PATZ1: variants seen among roughly 807,000 people sequenced by gnomAD.
PATZ1 encodes POZ/BTB and AT hook containing zinc finger 1.
A neutral mutation model predicts 46.2 loss-of-function variants in PATZ1; 9 were observed. The observed-to-expected ratio is 0.19, with a 90% CI of 0.12 to 0.34. The LOEUF (loss-of-function observed/expected upper bound fraction) is 0.34. PATZ1 is among the 10% of genes least tolerant of loss of function. The pLI, the probability that PATZ1 is intolerant of heterozygous loss-of-function variation, is 1.00. For missense variants in PATZ1, 632 were observed against 923.0 expected, an observed-to-expected ratio of 0.68 and a Z score of 4.08; for synonymous variants, 426 against 378.6, an observed-to-expected ratio of 1.13 and a Z score of -1.45.
chr22:31,343,514 TG>T, intron 1 of PATZ1: 1 of 852,372 alleles, frequency 1.2e-6, no homozygotes, highest in Non-Finnish European at 1.4e-6. Flanking sequence ...CCGGTAAGAC[TG>T]GTTCCTGGTC....
chr22:31,330,365 C>T (rs2049424532), intron 3 of PATZ1, among the ~76,000 whole-genome samples: 1 of 152,124 alleles, frequency 6.6e-6, no homozygotes, highest in Non-Finnish European at 1.5e-5. Context: ...GAGATCGAGA[C>T]CATCCTGGCT....
At chr22:31,340,788 GC>G in intron 2 of PATZ1, 1 of 1,057,318 alleles carries the variant, frequency 9.5e-7, no homozygotes, top group South Asian at 4.6e-5. Flanking sequence ...TGCTTTTTCA[GC>G]CCCCAAAGCC....
chr22:31,332,846 A>G (rs1296260809), intron 3 of PATZ1, among the ~76,000 whole-genome samples: 1 of 152,194 alleles, frequency 6.6e-6, no homozygotes, highest in Non-Finnish European at 1.5e-5. Context: ...GTTCCTCTTC[A>G]CCATACCAGC....
rs938646095 is a variant in PATZ1, at chr22:31,343,430, C to T, written c.1272-470G>A. 8 of 987,382 alleles carry T rather than the reference C, an allele frequency of 8.1e-6. No homozygotes were observed. In the Admixed American group the frequency reaches 2.4e-4, roughly 30 times the overall value. The allele number at this position is 987,382 out of a possible 1,614,324, so 61.2% of individuals were successfully genotyped here. A position where few individuals can be genotyped will look rare whatever the true frequency, so the allele number is the denominator to read the frequency against. Reference sequence around the variant, plus strand: ...ATGGAATTCAGTCCCCAGAGGCCAGCAGTGGAGCCTTAAGTCCCCAGCTGG... The same window carrying T: ...ATGGAATTCAGTCCCCAGAGGCCAGTAGTGGAGCCTTAAGTCCCCAGCTGG... On this transcript the variant is annotated intron_variant, in intron 1 of 4. Coordinates refer to ENST00000266269, the MANE Select transcript of PATZ1 (RefSeq NM_014323.3).
At position 31,345,760 on chromosome 22, in the gene PATZ1, C is replaced by G. The variant is rs2049647541; in HGVS notation, c.-158G>C. Reference sequence around the variant, plus strand: ...GCAGGTGCGCCGAGTGTACACGCCCCCAGCCCGGATCAGACTGTCTAGACT... The same window carrying G: ...GCAGGTGCGCCGAGTGTACACGCCCGCAGCCCGGATCAGACTGTCTAGACT... On this transcript the variant is annotated 5_prime_UTR_variant, in exon 1 of 5. Transcript: ENST00000266269. The surrounding 1 kb of genome is among the most constrained non-coding windows in gnomAD (Gnocchi z 7.4). 7 of 717,978 alleles carry G rather than the reference C, an allele frequency of 9.7e-6. No homozygotes were observed. The highest frequency in any genetic ancestry group is 3.9e-5 in the South Asian group (2 of 51,718). 44.5% of individuals were successfully genotyped at this position (717,978 alleles called of 1,614,324 possible).
In PATZ1 at chr22:31,331,050, T is replaced by C. The variant is rs554828989; in HGVS notation, c.1508-2126A>G. On this transcript the variant is annotated intron_variant, in intron 3 of 4. Transcript: ENST00000266269. ...TAGACCAGGTGCTGGTGTCCTGCCC[T>C]GCCTGGTAGAGCAAGTTGTCCTGTG... is the stretch of plus-strand genomic sequence containing the variant. 7.2e-5 allele frequency among the ~76,000 whole-genome samples: 11 copies of C among 152,344 alleles called. No individual in the cohort carries two copies. In the South Asian group the frequency reaches 1.7e-3, roughly 23 times the overall value.
At chr22:31,331,189 A>G (rs914260545) in intron 3 of PATZ1, among the ~76,000 whole-genome samples, 5 of 152,166 alleles carry the variant, frequency 3.3e-5, no homozygotes, top group African/African-American at 1.2e-4. Flanking sequence ...AGACAAGGCT[A>G]ATGGGAAAGA....
Position 31,335,778 on chromosome 22 carries a change from C to A in PATZ1, c.1421G>T (p.Gly474Val). Residue 474 changes from glycine (G) to valine (V), a missense_variant, in exon 3 of 5, where the codon GGG becomes GTG. By Grantham distance (109) the Gly-to-Val change is moderately radical. Around this residue, in one of 7 missense-constraint regions of PATZ1, gnomAD observed 55 missense variants for 169.0 expected, o/e 0.33. Coordinates refer to ENST00000266269, the MANE Select transcript of PATZ1 (RefSeq NM_014323.3). The part of the protein sequence containing the change: ...HEDKVPCQVC[G>V]KYLRAAYMAD... ...CATGTATGCTGCCCGCAAGTACTTCCCACACACCTGGCAGGGCACCTTGTC... is the reference window on the plus strand; with the variant it reads ...CATGTATGCTGCCCGCAAGTACTTCACACACACCTGGCAGGGCACCTTGTC... 1 of 1,614,126 alleles carries A rather than the reference C, an allele frequency of 6.2e-7. No individual in the cohort carries two copies. The highest frequency in any genetic ancestry group is 8.5e-7 in the Non-Finnish European group (1 of 1,180,008).
chr22:31,329,046 C>G (rs868498800), intron 3 of PATZ1, 122 bp from the exon 4 acceptor site: 12 of 1,044,918 alleles, frequency 1.1e-5, no homozygotes, highest in Middle Eastern at 3.1e-4. Context: ...CTAGAAGGGG[C>G]CCCCTCCTGG....
At chr22:31,335,014 C>T (rs560863496) in intron 3 of PATZ1, among the ~76,000 whole-genome samples, 1 of 152,336 alleles carries the variant, frequency 6.6e-6, no homozygotes, top group Admixed American at 6.5e-5. Flanking sequence ...ACATCTAGCA[C>T]TTCCAACAGC....
intron 2 of PATZ1, among the ~76,000 whole-genome samples, chr22:31,342,292 A>G (rs991563021): frequency 3.3e-5 from 5 of 152,144 alleles, no homozygotes. Context: ...GCAAAGAGCT[A>G]AAAGAAGAAG....
At position 31,345,823 on chromosome 22, in the gene PATZ1, C is replaced by T; in HGVS notation, c.-221G>A. On this transcript the variant is annotated 5_prime_UTR_variant, in exon 1 of 5. Coordinates refer to ENST00000266269, the MANE Select transcript of PATZ1 (RefSeq NM_014323.3). This position sits in a 1 kb window ranked among gnomAD's most constrained non-coding sequence, Gnocchi z 7.4. ...ACCCCCCACATAGCCAACCCCCGCC[C>T]TCGCTGGACTGCGCGCCACTCTCTC... 2.2e-6 allele frequency: 1 copy of T among 451,428 alleles called. No individual in the cohort carries two copies. Among genetic ancestry groups the T allele is most frequent in the East Asian group, 3.5e-5 (1 of 28,864 alleles). The allele number at this position is 451,428 out of a possible 1,614,324, so 28.0% of individuals were successfully genotyped here.
In PATZ1 at chr22:31,344,646, G is replaced by A. The variant is rs753056630; in HGVS notation, c.957C>T (p.Leu319=). The A allele has an allele frequency of 3.1e-6, 5 of 1,614,046 alleles. No individual in the cohort carries two copies. The highest frequency in any genetic ancestry group is 4.2e-6 in the Non-Finnish European group (5 of 1,180,034). ...QHEAQHGVTS[L]QLGYIDLPPP... Reference sequence around the variant, plus strand: ...GAGGAAGGTCGATGTAGCCCAGCTGGAGGCTGGTGACACCGTGCTGGGCCT... The same window carrying A: ...GAGGAAGGTCGATGTAGCCCAGCTGAAGGCTGGTGACACCGTGCTGGGCCT... Residue 319 remains leucine, a synonymous_variant, in exon 1 of 5, where the codon CTC becomes CTT. Transcript: ENST00000266269.
Position 31,345,652 on chromosome 22 carries a change from C to T in PATZ1, c.-50G>A, listed in dbSNP as rs1201303092. On this transcript the variant is annotated 5_prime_UTR_variant, in exon 1 of 5. Transcript: ENST00000266269. This position sits in a 1 kb window ranked among gnomAD's most constrained non-coding sequence, Gnocchi z 7.4. ...CGGCCGCTGCACCTGCCCGCCCCCT[C>T]CCTTCCCCTCAGCAGCGAGAAGCGG... The T allele has an allele frequency of 6.6e-7, 1 of 1,509,728 alleles. No homozygotes were observed. The highest frequency in any genetic ancestry group is 1.9e-5 in the Admixed American group (1 of 51,842). 93.5% of individuals were successfully genotyped at this position (1,509,728 alleles called of 1,614,324 possible).
rs200432247 is a variant in PATZ1, at chr22:31,345,570, C to A, written c.33G>T (p.Pro11=). 156 of 1,597,720 alleles carry A rather than the reference C, an allele frequency of 9.8e-5. No homozygotes were observed. In the African/African-American group the frequency reaches 1.8e-3, roughly 18 times the overall value. Residue 11 remains proline (P), a synonymous_variant, in exon 1 of 5, where the codon CCG becomes CCT. Transcript: ENST00000266269. This position sits in a 1 kb window ranked among gnomAD's most constrained non-coding sequence, Gnocchi z 7.4. MERVNDASCG[P]SGCYTYQVSR... ...TCACCTGGTATGTGTAGCAGCCAGA[C>A]GGGCCGCACGAAGCGTCGTTCACCC...
In PATZ1 at chr22:31,344,452, G is replaced by C; in HGVS notation, c.1151C>G (p.Ser384Cys). The C allele has an allele frequency of 6.2e-7, 1 of 1,614,246 alleles. No homozygotes were observed. The highest frequency in any genetic ancestry group is 8.5e-7 in the Non-Finnish European group (1 of 1,180,044). Residue 384 changes from serine (S) to cysteine (C), a missense_variant, in exon 1 of 5, where the codon TCC (serine) becomes TGC (cysteine). Transcript: ENST00000266269. ...GAACCGCAACCCACACACAGGGCAG[G>C]AGTAGGGCTTCTCCCCAGAGTGGGA... is the stretch of plus-strand genomic sequence containing the variant. ...KLSHSGEKPY[S>C]CPVCGLRFKR...
In PATZ1 at chr22:31,328,011, T is replaced by C. The variant is rs2049389103; in HGVS notation, c.1646-702A>G. Among the ~76,000 whole-genome samples the C allele has an allele frequency of 6.6e-6, 1 of 152,162 alleles. No homozygotes were observed. The highest frequency in any genetic ancestry group is 2.1e-4 in the South Asian group (1 of 4,826). On this transcript the variant is annotated intron_variant, in intron 4 of 4. Transcript: ENST00000266269. The surrounding 1 kb of genome is among the most constrained non-coding windows in gnomAD (Gnocchi z 4.8). ...AGAGACAACCCTGGCTGCTCTGCCTTGCCCGGCCCACACTGGAGTCCTCCA... is the reference window on the plus strand; with the variant it reads ...AGAGACAACCCTGGCTGCTCTGCCTCGCCCGGCCCACACTGGAGTCCTCCA...
intron 3 of PATZ1, among the ~76,000 whole-genome samples, chr22:31,330,157 G>A (rs2049421359): frequency 6.6e-6 from 1 of 152,198 alleles, no homozygotes; most frequent in African/African-American, 2.4e-5. Context: ...TATTTTGAAT[G>A]CTGCTGGAAC....
In PATZ1 at chr22:31,345,728, T is replaced by A; in HGVS notation, c.-126A>T. The A allele has an allele frequency of 2.0e-6, 2 of 989,114 alleles. No homozygotes were observed. Among genetic ancestry groups the A allele is most frequent in the Non-Finnish European group, 2.9e-6 (2 of 695,066 alleles). The allele number at this position is 989,114 out of a possible 1,614,324, so 61.3% of individuals were successfully genotyped here. A position where few individuals can be genotyped will look rare whatever the true frequency, so the allele number is the denominator to read the frequency against. ...CCACACGTGCCGGCCCGAGGCTCTG[T>A]AGTCTCGCAGGTGCGCCGAGTGTAC... On this transcript the variant is annotated 5_prime_UTR_variant, in exon 1 of 5. Coordinates refer to ENST00000266269, the MANE Select transcript of PATZ1 (RefSeq NM_014323.3). The surrounding 1 kb of genome is among the most constrained non-coding windows in gnomAD (Gnocchi z 7.4).
Sources: gnomAD v4.1 joint callset for allele counts (sites outside exome capture counted in the v4.1 genomes callset) on GRCh38, gnomAD v4.1.1 for gene constraint, gnomAD v4.1.1 regional missense constraint, Gnocchi (gnomAD v3.1) non-coding constraint, MANE v1.5 for transcripts, NCBI Gene and HGNC (gene_info 2026-07-23, HGNC 2026-07-21) for gene names.